The following ZNF736 variants were observed in gnomAD, a reference collection of about 807,000 sequenced individuals.
ZNF736 encodes the protein zinc finger protein 736, also known as KRAB-containing zinc-finger repressor protein.
A neutral mutation model predicts 11.7 loss-of-function variants in ZNF736; 6 were observed. That is an observed-to-expected ratio of 0.51 (90% CI 0.28 to 1.01). The LOEUF (loss-of-function observed/expected upper bound fraction) is 1.01. Among genes scored for constraint, ZNF736 ranks in the 50% least tolerant of loss-of-function variants. The pLI is 0.09. For synonymous variants in ZNF736, 139 were observed against 164.7 expected (o/e 0.84, Z 1.19); for missense variants, 444 against 496.0 (o/e 0.90, Z 1.00).
At chr7:64,330,349 G>A (rs573699460) in intron 1 of ZNF736, among the ~76,000 whole-genome samples, 19 of 152,002 alleles carry the variant, frequency 1.2e-4, no homozygotes, top group Non-Finnish European at 2.6e-4. Flanking sequence ...AGTAGAGACG[G>A]GGTTTCACTG....
chr7:64,347,937 T>G (rs371484238), intron 3 of ZNF736, among the ~76,000 whole-genome samples, 153 bp from the exon 4 acceptor site: 7 of 152,250 alleles, frequency 4.6e-5, no homozygotes, highest in African/African-American at 1.7e-4. Flanking sequence ...AAAGGCATTT[T>G]GGTCAGTATA....
chr7:64,347,975 A>C, intron 3 of ZNF736, 115 bp from the exon 4 acceptor site: 1 of 950,782 alleles, frequency 1.1e-6, no homozygotes, highest in South Asian at 1.9e-5. Context: ...TGTCTATAAG[A>C]ATATAGAGCC....
At chr7:64,342,869 T>C (rs950963130) in intron 3 of ZNF736, among the ~76,000 whole-genome samples, 2 of 152,142 alleles carry the variant, frequency 1.3e-5, no homozygotes, top group African/African-American at 2.4e-5. Context: ...AATTTATTTC[T>C]AATTATTTTA....
chr7:64,356,574 TAAATTATTTACTTATTTA>T lies in ZNF736; in HGVS notation c.*7429_*7446del, dbSNP rs1789555957. On this transcript the variant is annotated 3_prime_UTR_variant, in exon 4 of 4. Transcript: ENST00000423484. ...ACAAGTAATATAAACTAAGTTTACT[TAAATTATTTACTTATTTA>T]AGAAATCTAATTACATTTTAAATAA... Among the ~76,000 whole-genome samples the T allele has an allele frequency of 6.6e-6, 1 of 152,168 alleles. No individual in the cohort carries two copies. The highest frequency in any genetic ancestry group is 2.1e-4 in the South Asian group (1 of 4,832).
At position 64,352,472 on chromosome 7, in the gene ZNF736, A is replaced by AC. The variant is rs1396528475; in HGVS notation, c.*3330dup. Reference sequence around the variant, plus strand: ...TCTGCTATTCAGAGGTACCACTTCCACCCCCAGTTTATTTGGATTCTCCAA... The same window carrying AC: ...TCTGCTATTCAGAGGTACCACTTCCACCCCCCAGTTTATTTGGATTCTCCAA... On this transcript the variant is annotated 3_prime_UTR_variant, in exon 4 of 4. Transcript: ENST00000423484. 1 of 152,064 alleles carries AC rather than the reference A, an allele frequency of 6.6e-6. No homozygotes were observed. Among genetic ancestry groups the AC allele is most frequent in the Non-Finnish European group, 1.5e-5 (1 of 68,044 alleles). The allele number at this position is 152,064 out of a possible 1,614,324, so 9.4% of individuals were successfully genotyped here.
intron 1 of ZNF736, among the ~76,000 whole-genome samples, chr7:64,335,834 C>A (rs1378690433): frequency 1.3e-5 from 2 of 152,194 alleles, no homozygotes; most frequent in Admixed American, 1.3e-4. Context: ...GAAACTCAAG[C>A]TTTACGCTAG....
At chr7:64,342,844 CTA>C (rs1026414419) in intron 3 of ZNF736, among the ~76,000 whole-genome samples, 1 of 152,004 alleles carries the variant, frequency 6.6e-6, no homozygotes, top group Non-Finnish European at 1.5e-5. Context: ...CAAACTTTGT[CTA>C]TGTGATTGTA....
intron 1 of ZNF736, among the ~76,000 whole-genome samples, chr7:64,334,127 C>A (rs1789213328): frequency 6.6e-6 from 1 of 152,152 alleles, no homozygotes; most frequent in Admixed American, 6.5e-5. Context: ...CTCCCTTACA[C>A]CTTATACAAA....
intron 3 of ZNF736, among the ~76,000 whole-genome samples, chr7:64,338,588 C>T (rs1293928326): frequency 6.6e-6 from 1 of 152,156 alleles, no homozygotes; most frequent in Non-Finnish European, 1.5e-5. Context: ...GAAGTGAGAT[C>T]ATACAGTATT....
chr7:64,336,767 T>C, intron 2 of ZNF736, 120 bp from the exon 3 acceptor site: 1 of 826,788 alleles, frequency 1.2e-6, no homozygotes, highest in Non-Finnish European at 1.9e-6. Flanking sequence ...TAGGAAACAG[T>C]ATATTAAAAT....
chr7:64,343,123 A>G (rs1472503823), intron 3 of ZNF736, among the ~76,000 whole-genome samples: 3 of 152,156 alleles, frequency 2.0e-5, no homozygotes, highest in African/African-American at 4.8e-5. Context: ...CAGTGATTCA[A>G]ACTTTATTGT....
chr7:64,324,977 C>A (rs1359687039), intron 1 of ZNF736, among the ~76,000 whole-genome samples: 1 of 152,198 alleles, frequency 6.6e-6, no homozygotes, highest in East Asian at 1.9e-4. Context: ...TTATGGATTA[C>A]ACCTACTTCT....
intron 3 of ZNF736, 34 bp downstream of exon 3, chr7:64,337,016 T>C: frequency 6.4e-7 from 1 of 1,551,010 alleles, no homozygotes; most frequent in Non-Finnish European, 8.8e-7. Flanking sequence ...ATGACACAAA[T>C]GACGGATCCC....
chr7:64,319,315 A>ATGTG (rs1163181565), intron 1 of ZNF736, among the ~76,000 whole-genome samples: 1 of 82,760 alleles, frequency 1.2e-5, no homozygotes, highest in African/African-American at 4.9e-5. Flanking sequence ...GTGTATATGT[A>ATGTG]TGTGTGTGTG....
chr7:64,315,141 G>C (rs545133260), intron 1 of ZNF736, among the ~76,000 whole-genome samples: 7 of 152,232 alleles, frequency 4.6e-5, no homozygotes, highest in African/African-American at 1.4e-4. Flanking sequence ...TAAGCTTTCT[G>C]GGTGGGGCCT....
intron 3 of ZNF736, among the ~76,000 whole-genome samples, chr7:64,341,248 G>A (rs1789333509): frequency 6.6e-6 from 1 of 150,984 alleles, no homozygotes; most frequent in South Asian, 2.1e-4. Context: ...GTCAGATAAT[G>A]CAAAGATCTT....
Position 64,356,001 on chromosome 7 carries a change from C to G in ZNF736, c.*6854C>G, listed in dbSNP as rs1407285286. ...TATGCTGCATCAGGTCCTAAGAAAA[C>G]CCACCTTCTGCCAGTAGTAAAATCC... On this transcript the variant is annotated 3_prime_UTR_variant, in exon 4 of 4. Transcript: ENST00000423484. 1 of 183,012 alleles carries G rather than the reference C, an allele frequency of 5.5e-6. No homozygotes were observed. The highest frequency in any genetic ancestry group is 1.2e-5 in the Non-Finnish European group (1 of 82,130). 11.3% of individuals were successfully genotyped at this position (183,012 alleles called of 1,614,324 possible). A position where few individuals can be genotyped will look rare whatever the true frequency, so the allele number is the denominator to read the frequency against.
In ZNF736 at chr7:64,354,986, G is replaced by C. The variant is rs1562680020; in HGVS notation, c.*5839G>C. On this transcript the variant is annotated 3_prime_UTR_variant, in exon 4 of 4. Coordinates refer to ENST00000423484, the MANE Select transcript of ZNF736 (RefSeq NM_001170905.3). Reference sequence around the variant, plus strand: ...ATATTCTTTTTGAAATTGGCCTGTGGTCTCAGGTGAAAAATGGAAAATATC... The same window carrying C: ...ATATTCTTTTTGAAATTGGCCTGTGCTCTCAGGTGAAAAATGGAAAATATC... The C allele has an allele frequency of 6.6e-6, 1 of 152,092 alleles. No homozygotes were observed. The highest frequency in any genetic ancestry group is 1.5e-5 in the Non-Finnish European group (1 of 68,008). 9.4% of individuals were successfully genotyped at this position (152,092 alleles called of 1,614,324 possible). A position where few individuals can be genotyped will look rare whatever the true frequency, so the allele number is the denominator to read the frequency against.
intron 1 of ZNF736, among the ~76,000 whole-genome samples, chr7:64,332,416 A>C (rs1789183309): frequency 6.6e-6 from 1 of 152,294 alleles, no homozygotes; most frequent in South Asian, 2.1e-4. Flanking sequence ...TAAAACAGGG[A>C]GTAGGTACAA....
Sources: allele counts gnomAD v4.1 joint callset (sites outside exome capture counted in the v4.1 genomes callset), GRCh38; gene constraint gnomAD v4.1.1; transcripts MANE v1.5; gene names NCBI Gene and HGNC (gene_info 2026-07-23, HGNC 2026-07-21).